The following GRAMD4 variants were observed in gnomAD, a reference collection of about 807,000 sequenced individuals.
GRAMD4 encodes the protein GRAM domain containing 4.
GRAMD4 carries 25 observed loss-of-function variants against 83.9 expected under a neutral mutation model. The observed-to-expected ratio is 0.30, with a 90% CI of 0.22 to 0.42. GRAMD4 has a LOEUF of 0.42. GRAMD4 is among the 10% of genes least tolerant of loss of function. The probability of loss-of-function intolerance (pLI) is 1.00; values close to 1 mark genes in which losing one functional copy is unlikely to be tolerated. For synonymous variants in GRAMD4, 336 were observed against 320.9 expected, an observed-to-expected ratio of 1.05 and a Z score of -0.50; for missense variants, 593 against 788.7, an observed-to-expected ratio of 0.75 and a Z score of 2.97.
intron 1 of GRAMD4, among the ~76,000 whole-genome samples, chr22:46,590,803 G>C (rs955634349): frequency 1.3e-5 from 2 of 152,226 alleles, no homozygotes; most frequent in South Asian, 2.1e-4. Flanking sequence ...GCTCATGCCT[G>C]TAATCCCAAC....
At chr22:46,669,023 C>G in intron 13 of GRAMD4, 115 bp downstream of exon 13, 1 of 649,528 alleles carries the variant, frequency 1.5e-6, no homozygotes, top group South Asian at 1.8e-5. Flanking sequence ...GCGATCCTTC[C>G]TCTGCTTTTT....
intron 3 of GRAMD4, among the ~76,000 whole-genome samples, chr22:46,641,261 T>C (rs1248920363): frequency 1.3e-5 from 2 of 152,088 alleles, no homozygotes; most frequent in African/African-American, 4.8e-5. Flanking sequence ...TTAATAGAGA[T>C]GGGGTTTCAC....
intron 17 of GRAMD4, among the ~76,000 whole-genome samples, chr22:46,675,926 C>T (rs1033436808): frequency 1.3e-5 from 2 of 152,224 alleles, no homozygotes; most frequent in Admixed American, 1.3e-4. Flanking sequence ...CTCAGATGGT[C>T]GCGCCCGCTC....
chr22:46,579,527 T>A (rs1168722103), intron 1 of GRAMD4, among the ~76,000 whole-genome samples: 1 of 152,138 alleles, frequency 6.6e-6, no homozygotes, highest in Non-Finnish European at 1.5e-5. Context: ...ATCAGAGCAA[T>A]GTTAGACATG....
intron 1 of GRAMD4, among the ~76,000 whole-genome samples, chr22:46,592,109 C>T (rs2081216099): frequency 6.6e-6 from 1 of 152,110 alleles, no homozygotes; most frequent in African/African-American, 2.4e-5. Flanking sequence ...CATCCTGACG[C>T]CCAGCTCAGC....
intron 6 of GRAMD4, 123 bp from the exon 7 acceptor site, chr22:46,663,715 G>A: frequency 1.1e-6 from 1 of 921,426 alleles, no homozygotes; most frequent in Non-Finnish European, 1.8e-6. Context: ...GTGCACTCAA[G>A]GGGTCCCAGG....
At chr22:46,576,879 G>T (rs944229962), upstream of GRAMD4, among the ~76,000 whole-genome samples, 1 of 107,594 alleles carries the variant, frequency 9.3e-6, no homozygotes, top group African/African-American at 3.6e-5. Flanking sequence ...GCGTGGGTGC[G>T]AGCGGCGGGG....
intron 1 of GRAMD4, among the ~76,000 whole-genome samples, chr22:46,623,598 G>T (rs562237605): frequency 6.6e-6 from 1 of 151,772 alleles, no homozygotes; most frequent in Admixed American, 6.6e-5. Flanking sequence ...CAGTTTCACC[G>T]TGTTAGCCAG....
At chr22:46,674,892 TGTCTGGGCTCCCAGGGAAAAG>T (rs1337706589) in intron 16 of GRAMD4, 142 bp downstream of exon 16, 2 of 675,612 alleles carry the variant, frequency 3.0e-6, no homozygotes, top group Non-Finnish European at 2.7e-6. Context: ...TCTTGCCGGC[TGTCTGGGCTCCCAGGGAAAAG>T]GTGTTGTCTC....
upstream of GRAMD4, among the ~76,000 whole-genome samples, chr22:46,615,599 G>A (rs1178095671): frequency 1.6e-5 from 2 of 122,898 alleles, no homozygotes; most frequent in South Asian, 2.9e-4. Flanking sequence ...GTTCCCCCGT[G>A]TGTAGGTTCC....
intron 3 of GRAMD4, among the ~76,000 whole-genome samples, chr22:46,640,014 C>T (rs2081952289): frequency 6.6e-6 from 1 of 152,108 alleles, no homozygotes; most frequent in African/African-American, 2.4e-5. Context: ...AATGGAGAGG[C>T]TGGGCTCTCC....
chr22:46,663,491 T>G (rs950280227), intron 6 of GRAMD4, among the ~76,000 whole-genome samples: 3 of 152,178 alleles, frequency 2.0e-5, no homozygotes, highest in East Asian at 3.8e-4. Context: ...TAAACCTTGG[T>G]TCCCCTGCCA....
chr22:46,654,744 C>T (rs926747059), intron 3 of GRAMD4, among the ~76,000 whole-genome samples: 3 of 152,246 alleles, frequency 2.0e-5, no homozygotes, highest in Non-Finnish European at 4.4e-5. Flanking sequence ...CTCTCCCTTC[C>T]CCACATCTTG....
At chr22:46,580,542 C>A (rs998619918) in intron 1 of GRAMD4, among the ~76,000 whole-genome samples, 21 of 152,214 alleles carry the variant, frequency 1.4e-4, no homozygotes, top group Admixed American at 5.2e-4. Flanking sequence ...CCTAACCCAG[C>A]CCAGCGGGTG....
intron 1 of GRAMD4, among the ~76,000 whole-genome samples, chr22:46,623,952 T>G (rs1181468546): frequency 6.6e-6 from 1 of 151,952 alleles, no homozygotes; most frequent in Non-Finnish European, 1.5e-5. Context: ...CAGCTAATTT[T>G]TGTATTTTAA....
chr22:46,626,505 C>T (rs2081661490), intron 1 of GRAMD4, among the ~76,000 whole-genome samples: 1 of 152,202 alleles, frequency 6.6e-6, no homozygotes, highest in Non-Finnish European at 1.5e-5. Flanking sequence ...AAGGGCCCCA[C>T]CTGATGGGTG....
In GRAMD4 at chr22:46,677,362, A is replaced by G. The variant is rs187551483; in HGVS notation, c.*111A>G. ...TTGGACATCCTCATGAGCTTTTGCA[A>G]TAATTCTCCTGGACCTGTGGTTCTA... On this transcript the variant is annotated 3_prime_UTR_variant, in exon 19 of 19. Coordinates refer to ENST00000406902, the MANE Select transcript of GRAMD4 (RefSeq NM_015124.5). 3 of 1,452,092 alleles carry G rather than the reference A, an allele frequency of 2.1e-6. No homozygotes were observed. Among genetic ancestry groups the G allele is most frequent in the Admixed American group, 2.7e-5 (1 of 37,506 alleles). The allele number at this position is 1,452,092 out of a possible 1,614,324, so 90.0% of individuals were successfully genotyped here. A position where few individuals can be genotyped will look rare whatever the true frequency, so the allele number is the denominator to read the frequency against.
chr22:46,601,916 C>T (rs535718009), intron 1 of GRAMD4, among the ~76,000 whole-genome samples: 1 of 152,242 alleles, frequency 6.6e-6, no homozygotes, highest in Non-Finnish European at 1.5e-5. Flanking sequence ...TTCATATCTC[C>T]AGAGGTCTCC....
intron 1 of GRAMD4, among the ~76,000 whole-genome samples, chr22:46,623,867 C>T (rs2081614268): frequency 6.6e-6 from 1 of 151,646 alleles, no homozygotes; most frequent in African/African-American, 2.4e-5. Context: ...CTGCAACCTC[C>T]ACCTCCCGGG....
Sources: gnomAD v4.1 joint callset for allele counts (sites outside exome capture counted in the v4.1 genomes callset) on GRCh38, gnomAD v4.1.1 for gene constraint, MANE v1.5 for transcripts, NCBI Gene and HGNC (gene_info 2026-07-23, HGNC 2026-07-21) for gene names.